Variants in ZFR2 observed in about 807,000 individuals in gnomAD.
The protein encoded by ZFR2 is zinc finger RNA-binding protein 2.
Under a neutral mutation model 105.7 loss-of-function variants are expected in ZFR2, and 104 were observed. That is an observed-to-expected ratio of 0.98 (90% confidence interval 0.84 to 1.16). ZFR2 has a LOEUF of 1.16. Ranked by LOEUF, ZFR2 falls within the 50% of genes most tolerant of loss-of-function variation. The pLI, the probability that ZFR2 is intolerant of heterozygous loss-of-function variation, is 0.00. For missense variants in ZFR2, 1,425 were observed against 1,355.5 expected (o/e 1.05, Z -0.80); for synonymous variants, 634 against 597.7 (o/e 1.06, Z -0.89).
chr19:3,814,073 C>G, intron 13 of ZFR2, 115 bp from the exon 14 acceptor site: 1 of 1,468,922 alleles, frequency 6.8e-7, no homozygotes, highest in African/African-American at 1.4e-5. Flanking sequence ...CCCACACTTG[C>G]TGCCTGGGTG....
At chr19:3,837,362 C>CA (rs1230232420) in intron 1 of ZFR2, among the ~76,000 whole-genome samples, 4 of 152,058 alleles carry the variant, frequency 2.6e-5, no homozygotes, top group African/African-American at 7.2e-5. Flanking sequence ...AACACCATGA[C>CA]CATGACACTC....
intron 2 of ZFR2, 64 bp from the exon 3 acceptor site, chr19:3,833,842 C>A (rs1599238728): frequency 1.6e-6 from 2 of 1,285,816 alleles, no homozygotes; most frequent in East Asian, 5.1e-5. Context: ...GCGGTGGGTG[C>A]GACGCGCCCT....
chr19:3,827,059 T>C (rs928374214), intron 6 of ZFR2, among the ~76,000 whole-genome samples: 1 of 151,932 alleles, frequency 6.6e-6, no homozygotes, highest in Non-Finnish European at 1.5e-5. Context: ...CTGGCCAACA[T>C]GGTGAAACCC....
intron 9 of ZFR2, among the ~76,000 whole-genome samples, chr19:3,821,828 CGA>C: frequency 4.6e-5 from 7 of 151,982 alleles, no homozygotes; most frequent in Non-Finnish European, 8.8e-5. Context: ...AGGCTGGTCT[CGA>C]ACTCCTGACC....
chr19:3,813,946 C>A lies in ZFR2; in HGVS notation c.2116G>T (p.Asp706Tyr). The A allele has an allele frequency of 6.2e-7, 1 of 1,613,868 alleles. No individual in the cohort carries two copies. The highest frequency in any genetic ancestry group is 8.5e-7 in the Non-Finnish European group (1 of 1,179,848). ...LPRQLQMVTE[D>Y]EYEVSSDPEA... The stretch of plus-strand genomic sequence containing the variant: ...GGGTCGGAGGAGACCTCATACTCAT[C>A]CTCGGTCACCATCTGGGAGGGGTAA... Residue 706 changes from aspartate (D) to tyrosine (Y), a missense_variant, in exon 14 of 19, where the codon GAT becomes TAT. Coordinates refer to ENST00000262961, the MANE Select transcript of ZFR2 (RefSeq NM_015174.2). The surrounding 1 kb of genome is among the most constrained non-coding windows in gnomAD (Gnocchi z 4.4).
In ZFR2 at chr19:3,820,208, C is replaced by T; in HGVS notation, c.1714G>A (p.Glu572Lys). The change falls in exon 11 of 19, where the codon GAG becomes AAG. Residue 572 changes from glutamate (E) to lysine (K), a missense_variant. By Grantham distance (56) the Glu-to-Lys change is moderately conservative. Coordinates refer to ENST00000262961, the MANE Select transcript of ZFR2 (RefSeq NM_015174.2). ...WAQPLLMGRP[E>K]SPASAPLQPG... ...TGGAGTGGGGCGCTGGCGGGTGACTCCGGCCTGCCCATGAGCAGAGGCTGG... is the reference window on the plus strand; with the variant it reads ...TGGAGTGGGGCGCTGGCGGGTGACTTCGGCCTGCCCATGAGCAGAGGCTGG... 6.4e-7 allele frequency: 1 copy of T among 1,552,266 alleles called. No homozygotes were observed. Among genetic ancestry groups the T allele is most frequent in the South Asian group, 1.2e-5 (1 of 84,190 alleles).
chr19:3,810,169 C>G (rs961005883), intron 16 of ZFR2, among the ~76,000 whole-genome samples: 17 of 151,288 alleles, frequency 1.1e-4, no homozygotes, highest in Admixed American at 1.1e-3. Flanking sequence ...GCCCGCAGGG[C>G]GGGGGGGAGG....
rs2038124772 is a variant in ZFR2 at position 3,840,584 on chromosome 19, T to C, written c.54-5601A>G. On this transcript the variant is annotated intron_variant, in intron 1 of 18. Transcript: ENST00000262961. ...TTGCTCTGTCGCTCAGGCTGGAGTG[T>C]AGTGACGTGATCATAGCTCACTGTA... Among the ~76,000 whole-genome samples the C allele has an allele frequency of 2.6e-5, 4 of 152,140 alleles. 1 individual carries two copies. The South Asian group carries it at 8.3e-4, about 32-fold the overall frequency.
rs1171946370 is a variant in ZFR2, at chr19:3,853,412, G to A, written c.53+15553C>T. On this transcript the variant is annotated intron_variant, in intron 1 of 18. Coordinates refer to ENST00000262961, the MANE Select transcript of ZFR2 (RefSeq NM_015174.2). Reference sequence around the variant, plus strand: ...GTTACCTTAGGTTTCCCAGACCCCGGGTTGAGAATCCCTGCTGTCACAGGT... The same window carrying A: ...GTTACCTTAGGTTTCCCAGACCCCGAGTTGAGAATCCCTGCTGTCACAGGT... Among the ~76,000 whole-genome samples the A allele has an allele frequency of 2.6e-5, 4 of 152,170 alleles. No individual in the cohort carries two copies. In the East Asian group the frequency reaches 7.7e-4, roughly 29 times the overall value.
At chr19:3,808,314 G>A (rs763232049) in intron 17 of ZFR2, among the ~76,000 whole-genome samples, 3 of 152,254 alleles carry the variant, frequency 2.0e-5, no homozygotes, top group Non-Finnish European at 2.9e-5. Flanking sequence ...GCAATGGGCC[G>A]AAAGCTTCAT....
chr19:3,822,296 C>G, intron 8 of ZFR2, 96 bp from the exon 9 acceptor site: 1 of 1,509,514 alleles, frequency 6.6e-7, no homozygotes, highest in South Asian at 1.2e-5. Context: ...TTCCTCCTTG[C>G]TGCTCATTTT....
chr19:3,813,127 C>A lies in ZFR2; in HGVS notation c.2242+693G>T, dbSNP rs1331579528. On this transcript the variant is annotated intron_variant, in intron 14 of 18. Coordinates refer to ENST00000262961, the MANE Select transcript of ZFR2 (RefSeq NM_015174.2). The surrounding 1 kb of genome is among the most constrained non-coding windows in gnomAD (Gnocchi z 4.4). The stretch of plus-strand genomic sequence containing the variant: ...ACCAAATCGATTGAAAGAGAAACAT[C>A]AGTAGGTCATGGCCCTCAGTTATGA... Among the ~76,000 whole-genome samples, 1 of 152,176 alleles carries A rather than the reference C, an allele frequency of 6.6e-6. No homozygotes were observed. Among genetic ancestry groups the A allele is most frequent in the Non-Finnish European group, 1.5e-5 (1 of 68,032 alleles).
intron 1 of ZFR2, among the ~76,000 whole-genome samples, chr19:3,853,826 T>C (rs1429854888): frequency 2.0e-5 from 3 of 152,012 alleles, no homozygotes; most frequent in East Asian, 1.9e-4. Context: ...CCCAGCACTT[T>C]GGGAGGCCAA....
chr19:3,810,416 T>C (rs1018086250), intron 16 of ZFR2, among the ~76,000 whole-genome samples: 18 of 152,188 alleles, frequency 1.2e-4, no homozygotes, highest in African/African-American at 4.3e-4. Flanking sequence ...CAGAGGCCGG[T>C]GTGCAGCCAG....
intron 1 of ZFR2, among the ~76,000 whole-genome samples, chr19:3,847,675 A>G (rs2038197066): frequency 6.6e-6 from 1 of 152,232 alleles, no homozygotes; most frequent in South Asian, 2.1e-4. Flanking sequence ...TTTTGAAGGA[A>G]GGCATAGGGA....
At chr19:3,827,169 G>A (rs1376939678) in intron 6 of ZFR2, among the ~76,000 whole-genome samples, 2 of 152,160 alleles carry the variant, frequency 1.3e-5, no homozygotes, top group Non-Finnish European at 1.5e-5. Flanking sequence ...TTGAACCCAG[G>A]AGGCAGAGGT....
In ZFR2 at chr19:3,827,562, AC is replaced by A. The variant is rs777550094; in HGVS notation, c.943del (p.Val315CysfsTer112). The A allele has an allele frequency of 6.4e-7, 1 of 1,565,364 alleles. No homozygotes were observed. The highest frequency in any genetic ancestry group is 1.2e-5 in the South Asian group (1 of 85,084). The stretch of plus-strand genomic sequence containing the variant: ...CAGGTCGCAATGCAGCTGCGCCTGC[AC>A]CCCGCGCGGGCTCCCGTTGGGCTGC... ...GVQPNGSPRG[V>X]QAQLHCDLCA... On this transcript the variant is annotated frameshift_variant, in exon 6 of 19. Transcript: ENST00000262961. LOFTEE classifies it high-confidence loss of function.
chr19:3,832,451 A>G (rs1164057318), intron 3 of ZFR2, among the ~76,000 whole-genome samples: 2 of 151,242 alleles, frequency 1.3e-5, no homozygotes, highest in African/African-American at 2.4e-5. Flanking sequence ...CCTCCCGAAT[A>G]GCTGGGATTA....
chr19:3,821,948 C>T lies in ZFR2; in HGVS notation c.1491+133G>A. On this transcript the variant is annotated intron_variant, in intron 9 of 18. Coordinates refer to ENST00000262961, the MANE Select transcript of ZFR2 (RefSeq NM_015174.2). ...GAGACGAGGACCAAGACGTTGAAAA[C>T]CCAGAAAATCACCCCTCCCTCTTAA... The T allele has an allele frequency of 2.9e-6, 4 of 1,360,598 alleles. No individual in the cohort carries two copies. The Middle Eastern group carries it at 8.0e-4, about 272-fold the overall frequency. The allele number at this position is 1,360,598 out of a possible 1,614,324, so 84.3% of individuals were successfully genotyped here.
Sources: gnomAD v4.1 joint callset for allele counts (sites outside exome capture counted in the v4.1 genomes callset) on GRCh38, gnomAD v4.1.1 for gene constraint, Gnocchi (gnomAD v3.1) non-coding constraint, MANE v1.5 for transcripts, NCBI Gene and HGNC (gene_info 2026-07-23, HGNC 2026-07-21) for gene names.